Variants in NCKAP5 observed in about 807,000 individuals in gnomAD.
NCKAP5 encodes the protein nck-associated protein 5.
A neutral mutation model predicts 167.0 loss-of-function variants in NCKAP5; 92 were observed. That is an observed-to-expected ratio of 0.55 (90% CI 0.47 to 0.66). The LOEUF (loss-of-function observed/expected upper bound fraction) is 0.66, where lower values mean the gene tolerates loss of function less well. Ranked by LOEUF, NCKAP5 falls within the 30% of genes least tolerant of loss-of-function variation. NCKAP5 has a pLI of 0.00. For synonymous variants in NCKAP5, 891 were observed against 877.4 expected (o/e 1.02, Z -0.27); for missense variants, 2,378 against 2,315.0 (o/e 1.03, Z -0.56).
chr2:133,085,007 A>G (rs1440826487), intron 6 of NCKAP5, among the ~76,000 whole-genome samples: 1 of 152,160 alleles, frequency 6.6e-6, no homozygotes, highest in East Asian at 1.9e-4. Context: ...GGTCTCCTGC[A>G]TATTCTTCTT....
At chr2:132,720,637 G>T (rs531554851) in intron 19 of NCKAP5, among the ~76,000 whole-genome samples, 5 of 152,096 alleles carry the variant, frequency 3.3e-5, no homozygotes, top group Non-Finnish European at 5.9e-5. Context: ...CAGGAGACAG[G>T]CAGCAGCCTC....
At chr2:133,551,155 A>G (rs1687258386) in intron 2 of NCKAP5, among the ~76,000 whole-genome samples, 1 of 152,166 alleles carries the variant, frequency 6.6e-6, no homozygotes, top group Non-Finnish European at 1.5e-5. Flanking sequence ...ATATCATGAA[A>G]TGGCCATACT....
chr2:133,465,767 G>A (rs1217045977), intron 3 of NCKAP5, among the ~76,000 whole-genome samples: 2 of 151,870 alleles, frequency 1.3e-5, no homozygotes, highest in East Asian at 1.9e-4. Flanking sequence ...CAGTGATGAT[G>A]AGCATTTTTT....
At chr2:133,645,664 T>G in the NCKAP5 span, among the ~76,000 whole-genome samples, 3 of 152,102 alleles carry the variant, frequency 2.0e-5, no homozygotes, top group East Asian at 3.8e-4. Context: ...GTTGTAAGTA[T>G]TAAATAATAA....
chr2:133,057,065 TC>T (rs1199251433), intron 6 of NCKAP5, among the ~76,000 whole-genome samples: 1 of 152,228 alleles, frequency 6.6e-6, no homozygotes, highest in Non-Finnish European at 1.5e-5. Flanking sequence ...TGATCAGTGA[TC>T]TTTGATGTGA....
intron 3 of NCKAP5, among the ~76,000 whole-genome samples, chr2:133,479,127 T>C (rs1680200862): frequency 6.6e-6 from 1 of 152,230 alleles, no homozygotes; most frequent in Non-Finnish European, 1.5e-5. Flanking sequence ...TGAGTTTGTA[T>C]GAACAATCAG....
intron 11 of NCKAP5, among the ~76,000 whole-genome samples, chr2:132,838,330 T>C (rs1014815109): frequency 2.6e-5 from 4 of 152,066 alleles, no homozygotes; most frequent in Non-Finnish European, 5.9e-5. Context: ...CCCCCTCTTC[T>C]AAAAACTTAA....
chr2:133,026,450 A>T (rs2078703445), intron 6 of NCKAP5, among the ~76,000 whole-genome samples: 1 of 152,056 alleles, frequency 6.6e-6, no homozygotes, highest in South Asian at 2.1e-4. Context: ...CCTGGCCTTA[A>T]GAATAAGAAG....
chr2:133,091,352 G>T (rs1015847963), intron 6 of NCKAP5, among the ~76,000 whole-genome samples: 1 of 152,090 alleles, frequency 6.6e-6, no homozygotes, highest in Non-Finnish European at 1.5e-5. Flanking sequence ...TCCACCACAT[G>T]AGCTGGAATA....
At chr2:133,182,063 G>A (rs2084761934) in intron 5 of NCKAP5, among the ~76,000 whole-genome samples, 1 of 152,130 alleles carries the variant, frequency 6.6e-6, no homozygotes, top group South Asian at 2.1e-4. Flanking sequence ...AGAAGACATA[G>A]TAATCATTAA....
At chr2:133,213,590 T>C (rs1454829874) in intron 5 of NCKAP5, 126 bp downstream of exon 5, 5 of 867,564 alleles carry the variant, frequency 5.8e-6, no homozygotes, top group Non-Finnish European at 9.2e-6. Context: ...ATACATCATT[T>C]GCCAAAATAT....
At chr2:132,874,170 G>A (rs998802515) in intron 9 of NCKAP5, among the ~76,000 whole-genome samples, 3 of 140,662 alleles carry the variant, frequency 2.1e-5, no homozygotes, top group Admixed American at 7.8e-5. Context: ...GTGCAGTGGC[G>A]CAATCTCAGC....
chr2:133,519,163 T>C (rs894547174), intron 2 of NCKAP5, among the ~76,000 whole-genome samples: 1 of 152,168 alleles, frequency 6.6e-6, no homozygotes, highest in Non-Finnish European at 1.5e-5. Flanking sequence ...ATGCCCAAAC[T>C]ATAGTCAATC....
At chr2:133,372,793 A>G (rs1432053412) in intron 3 of NCKAP5, among the ~76,000 whole-genome samples, 8 of 152,120 alleles carry the variant, frequency 5.3e-5, no homozygotes, top group African/African-American at 1.9e-4. Context: ...CAACCTTCCC[A>G]TTTCTTTTCA....
intron 6 of NCKAP5, among the ~76,000 whole-genome samples, chr2:133,039,597 G>A (rs1406329534): frequency 6.6e-6 from 1 of 152,136 alleles, no homozygotes; most frequent in African/African-American, 2.4e-5. Context: ...CAAAGACCAT[G>A]AGATTAGGAA....
At chr2:132,811,949 G>T (rs1685908560) in intron 11 of NCKAP5, among the ~76,000 whole-genome samples, 1 of 152,180 alleles carries the variant, frequency 6.6e-6, no homozygotes, top group African/African-American at 2.4e-5. Flanking sequence ...GGGCCTTTCT[G>T]CTGCTTCTTC....
At chr2:133,625,974 TG>T in the NCKAP5 span, among the ~76,000 whole-genome samples, 1 of 152,198 alleles carries the variant, frequency 6.6e-6, no homozygotes, top group Non-Finnish European at 1.5e-5. Context: ...TAAACTTAAT[TG>T]GTCGCCATTG....
In NCKAP5 at chr2:132,773,874, G is replaced by C; in HGVS notation, c.5070C>G (p.Asn1690Lys). 6.2e-7 allele frequency: 1 copy of C among 1,609,960 alleles called. No homozygotes were observed. Among genetic ancestry groups the C allele is most frequent in the Non-Finnish European group, 8.5e-7 (1 of 1,178,640 alleles). Residue 1690 changes from asparagine (N) to lysine (K), a missense_variant, in exon 16 of 20, where the codon AAC (asparagine) becomes AAG (lysine). Around this residue, in one of 3 missense-constraint regions of NCKAP5, gnomAD observed 1,325 missense variants for 1,274.5 expected, o/e 1.04. Coordinates refer to ENST00000409261, the MANE Select transcript of NCKAP5 (RefSeq NM_207363.3). ...KDSLVKEANE[N>K]LQEDEDDAVA... ...CTGCATCGTCTTCATCCTCTTGCAA[G>C]TTTTCATTTGCCTCTTTTACCTGCA...
At chr2:132,733,627 C>G (rs1324824400) in intron 16 of NCKAP5, among the ~76,000 whole-genome samples, 1 of 152,192 alleles carries the variant, frequency 6.6e-6, no homozygotes, top group Non-Finnish European at 1.5e-5. Flanking sequence ...ATATTTATTA[C>G]ATATTAGTAG....
Sources: gnomAD v4.1 joint callset for allele counts (sites outside exome capture counted in the v4.1 genomes callset) on GRCh38, gnomAD v4.1.1 for gene constraint, gnomAD v4.1.1 regional missense constraint, MANE v1.5 for transcripts, NCBI Gene and HGNC (gene_info 2026-07-23, HGNC 2026-07-21) for gene names.